Variants in GPC6 observed in about 807,000 individuals in gnomAD.
GPC6 encodes glypican-6.
A neutral mutation model predicts 55.2 loss-of-function variants in GPC6; 14 were observed. The observed-to-expected ratio is 0.25, with a 90% CI of 0.17 to 0.40. The LOEUF is 0.40. Ranked by LOEUF, GPC6 falls within the 10% of genes least tolerant of loss-of-function variation. The pLI is 1.00. For synonymous variants in GPC6, 278 were observed against 259.6 expected, an observed-to-expected ratio of 1.07 and a Z score of -0.68; for missense variants, 641 against 708.5, an observed-to-expected ratio of 0.90 and a Z score of 1.08.
chr13:93,435,132 G>A (rs1217297075), intron 1 of GPC6, among the ~76,000 whole-genome samples: 2 of 151,196 alleles, frequency 1.3e-5, no homozygotes, highest in Non-Finnish European at 3.0e-5. Flanking sequence ...TTTTATTTTT[G>A]GAGACATGGT....
intron 3 of GPC6, among the ~76,000 whole-genome samples, chr13:93,910,464 G>A (rs1246016973): frequency 2.6e-5 from 4 of 151,878 alleles, no homozygotes; most frequent in East Asian, 3.9e-4. Context: ...TGTGTGTGGC[G>A]GGGGGTGGGT....
intron 2 of GPC6, among the ~76,000 whole-genome samples, chr13:93,729,581 G>T (rs1044118275): frequency 6.6e-6 from 1 of 152,140 alleles, no homozygotes; most frequent in Non-Finnish European, 1.5e-5. Flanking sequence ...TCAAGAGTTG[G>T]CAGGGTTGAG....
rs546932355 is a variant in GPC6, at chr13:93,648,856, C to A, written c.319+103435C>A. ...GTCACGCAAAACTTATTTTTTCTTC[C>A]CAAGGTCTCTTAAGCCTTTTTTGAA... On this transcript the variant is annotated intron_variant, in intron 2 of 8. Transcript: ENST00000377047. Among the ~76,000 whole-genome samples the A allele has an allele frequency of 5.3e-5, 8 of 152,168 alleles. No homozygotes were observed. In the South Asian group the frequency reaches 1.5e-3, roughly 28 times the overall value.
At chr13:94,198,993 A>G (rs1173003858) in intron 4 of GPC6, among the ~76,000 whole-genome samples, 1 of 152,158 alleles carries the variant, frequency 6.6e-6, no homozygotes, top group East Asian at 1.9e-4. Flanking sequence ...AATTTCTTTC[A>G]TGAATCAGAC....
At chr13:93,717,146 A>G (rs9561431) in intron 2 of GPC6, among the ~76,000 whole-genome samples, 73,824 of 150,968 alleles carry the variant, frequency 0.49, 19,897 homozygotes, top group Middle Eastern at 0.75. Flanking sequence ...ATGGGTGCGC[A>G]CACACACACA....
intron 2 of GPC6, among the ~76,000 whole-genome samples, chr13:93,803,666 A>T (rs1410292285): frequency 6.6e-6 from 1 of 152,176 alleles, no homozygotes; most frequent in African/African-American, 2.4e-5. Flanking sequence ...TTAATAGCCA[A>T]ATTGTAGAAA....
chr13:93,971,929 C>T (rs1040136783), intron 3 of GPC6, among the ~76,000 whole-genome samples: 3 of 152,172 alleles, frequency 2.0e-5, no homozygotes, highest in African/African-American at 4.8e-5. Flanking sequence ...GCTAGGCTCA[C>T]GCTGGGCAGG....
chr13:94,125,273 T>A (rs1390112944), intron 4 of GPC6, among the ~76,000 whole-genome samples: 1 of 152,156 alleles, frequency 6.6e-6, no homozygotes, highest in African/African-American at 2.4e-5. Flanking sequence ...ATGTCTTGTA[T>A]GAAACATATC....
At chr13:93,768,300 A>AT (rs1169304609) in intron 2 of GPC6, among the ~76,000 whole-genome samples, 1 of 152,108 alleles carries the variant, frequency 6.6e-6, no homozygotes, top group Non-Finnish European at 1.5e-5. Context: ...CTTAACAGTC[A>AT]TTTTCCCTGA....
intron 1 of GPC6, among the ~76,000 whole-genome samples, chr13:93,229,627 GGTTTTT>G (rs1481307817): frequency 6.6e-6 from 1 of 151,960 alleles, no homozygotes; most frequent in African/African-American, 2.4e-5. Context: ...TAACTAAAGA[GGTTTTT>G]GTTTTTGTTT....
chr13:93,417,260 T>C (rs1876733994), intron 1 of GPC6, among the ~76,000 whole-genome samples: 1 of 152,132 alleles, frequency 6.6e-6, no homozygotes, highest in African/African-American at 2.4e-5. Context: ...TTTATTTTTT[T>C]AGTGACATAG....
intron 2 of GPC6, among the ~76,000 whole-genome samples, chr13:93,554,631 C>G (rs1034917646): frequency 6.6e-6 from 1 of 152,136 alleles, no homozygotes. Flanking sequence ...AGTAGTCACT[C>G]GGTGATTTTT....
chr13:93,606,209 T>A (rs912546907), intron 2 of GPC6, among the ~76,000 whole-genome samples: 5 of 152,212 alleles, frequency 3.3e-5, no homozygotes, highest in Non-Finnish European at 7.3e-5. Flanking sequence ...GAATGTAGAA[T>A]GAGTGCACGG....
intron 1 of GPC6, among the ~76,000 whole-genome samples, chr13:93,518,501 A>T (rs1398909416): frequency 1.3e-5 from 2 of 152,002 alleles, no homozygotes; most frequent in Non-Finnish European, 2.9e-5. Context: ...AGCCTTTGAC[A>T]TCCTAATTCA....
At position 93,523,007 on chromosome 13, in the gene GPC6, G is replaced by GAAAA. The variant is rs145925821; in HGVS notation, c.161-22253_161-22250dup. Among the ~76,000 whole-genome samples, 75 of 90,108 alleles carry GAAAA rather than the reference G, an allele frequency of 8.3e-4. 1 individual carries two copies. The highest frequency in any genetic ancestry group is 2.6e-3 in the African/African-American group (71 of 27,710). 59.1% of individuals were successfully genotyped at this position (90,108 alleles called of 152,430 possible). ...TGTCTTTGGATCAAAAAGAAAGAGG[G>GAAAA]AAAAAATATATATATATATATATAC... On this transcript the variant is annotated intron_variant, in intron 1 of 8. Coordinates refer to ENST00000377047, the MANE Select transcript of GPC6 (RefSeq NM_005708.5).
intron 2 of GPC6, among the ~76,000 whole-genome samples, chr13:93,784,197 A>G (rs983929889): frequency 6.6e-6 from 1 of 152,208 alleles, no homozygotes; most frequent in Non-Finnish European, 1.5e-5. Flanking sequence ...AGATAAAATA[A>G]TAAGCTTTAT....
intron 4 of GPC6, among the ~76,000 whole-genome samples, chr13:94,145,791 C>A (rs1444392565): frequency 6.6e-6 from 1 of 152,050 alleles, no homozygotes; most frequent in Non-Finnish European, 1.5e-5. Context: ...TGTAATTTAA[C>A]AGAAGGGAAC....
In GPC6 at chr13:94,006,676, C is replaced by A. The variant is rs374657458; in HGVS notation, c.712-21053C>A. 3.3e-5 allele frequency among the ~76,000 whole-genome samples: 5 copies of A among 152,136 alleles called. No homozygotes were observed. In the East Asian group the frequency reaches 9.6e-4, roughly 29 times the overall value. The stretch of plus-strand genomic sequence containing the variant: ...GGTGCTGACATTGAAATGGGTCAAA[C>A]CACCTAGTTTTATTTTCTAGGCGCC... On this transcript the variant is annotated intron_variant, in intron 3 of 8. Transcript: ENST00000377047.
chr13:93,544,870 G>A (rs1347031311), intron 1 of GPC6, among the ~76,000 whole-genome samples: 1 of 152,058 alleles, frequency 6.6e-6, no homozygotes, highest in Non-Finnish European at 1.5e-5. Context: ...TCTTGCTTTT[G>A]GTGATGGGAC....
Sources: allele counts gnomAD v4.1 joint callset (sites outside exome capture counted in the v4.1 genomes callset), GRCh38; gene constraint gnomAD v4.1.1; transcripts MANE v1.5; gene names NCBI Gene and HGNC (gene_info 2026-07-23, HGNC 2026-07-21).